NLRP12: variants seen among roughly 807,000 people sequenced by gnomAD.
NLRP12 encodes the protein NACHT, LRR and PYD domains-containing protein 12.
Under a neutral mutation model 91.2 loss-of-function variants are expected in NLRP12, and 108 were observed. The ratio of observed to expected loss-of-function variants is 1.18; its 90% CI spans 1.01 to 1.39. The LOEUF (loss-of-function observed/expected upper bound fraction) is 1.39, where lower values mean the gene tolerates loss of function less well. NLRP12 is among the 40% of genes most tolerant of loss of function. The pLI, the probability that NLRP12 is intolerant of heterozygous loss-of-function variation, is 0.00. For synonymous variants in NLRP12, 613 were observed against 566.7 expected (o/e 1.08, Z -1.16); for missense variants, 1,530 against 1,352.7 (o/e 1.13, Z -2.06).
Position 53,824,208 on chromosome 19 carries a change from G to A in NLRP12, c.-34C>T, listed in dbSNP as rs1437856123. On this transcript the variant is annotated 5_prime_UTR_variant, in exon 1 of 10. Transcript: ENST00000324134. Reference sequence around the variant, plus strand: ...CGTGAGCCCCAAAGGAGAGGACCTGGAGGCTGAGATGCTCCTATGCACGGG... The same window carrying A: ...CGTGAGCCCCAAAGGAGAGGACCTGAAGGCTGAGATGCTCCTATGCACGGG... 6.2e-7 allele frequency: 1 copy of A among 1,609,764 alleles called. No homozygotes were observed. Among genetic ancestry groups the A allele is most frequent in the Admixed American group, 1.7e-5 (1 of 59,982 alleles).
Position 53,811,065 on chromosome 19 carries a change from G to T in NLRP12, c.594C>A (p.Thr198=), listed in dbSNP as rs771450335. The change falls in exon 3 of 10, where the codon ACC becomes ACA. Residue 198 remains threonine (T), a synonymous_variant. Transcript: ENST00000324134. ...GGCGCTCCTCGTCTGGCTCAAAGAGGGTCTCTATCTTGATGGGGCTAGCCT... is the reference window on the plus strand; with the variant it reads ...GGCGCTCCTCGTCTGGCTCAAAGAGTGTCTCTATCTTGATGGGGCTAGCCT... ...GHQASPIKIE[T]LFEPDEERPE... The T allele has an allele frequency of 1.2e-6, 2 of 1,612,656 alleles. No individual in the cohort carries two copies. The highest frequency in any genetic ancestry group is 2.2e-5 in the South Asian group (2 of 91,068).
At chr19:53,804,459 C>T (rs1444215929) in intron 5 of NLRP12, among the ~76,000 whole-genome samples, 3 of 139,030 alleles carry the variant, frequency 2.2e-5, no homozygotes, top group Non-Finnish European at 3.0e-5. Context: ...AGTACAGTGG[C>T]GTGATCTTGC....
chr19:53,810,805 A>T lies in NLRP12; in HGVS notation c.854T>A (p.Val285Asp). The T allele has an allele frequency of 6.2e-7, 1 of 1,614,022 alleles. No homozygotes were observed. The highest frequency in any genetic ancestry group is 8.5e-7 in the Non-Finnish European group (1 of 1,180,022). The change falls in exon 3 of 10, where the codon GTT becomes GAT. Residue 285 changes from valine (V) to aspartate (D), a missense_variant. Physicochemically the swap from Val to Asp is radical, Grantham distance 152. Transcript: ENST00000324134. Reference sequence around the variant, plus strand: ...GATGATGAAAAGGAGGCGCTCGGGAACTCGGATGAGCTCCTGGAGAGGCGC... The same window carrying T: ...GATGATGAAAAGGAGGCGCTCGGGATCTCGGATGAGCTCCTGGAGAGGCGC... ...PSAPLQELIR[V>D]PERLLFIIDG...
At chr19:53,820,039 T>G (rs1309193035) in intron 1 of NLRP12, among the ~76,000 whole-genome samples, 3 of 152,122 alleles carry the variant, frequency 2.0e-5, no homozygotes, top group Non-Finnish European at 4.4e-5. Flanking sequence ...CATTAAGCTT[T>G]GCAGAAGTGA....
chr19:53,821,287 C>T (rs1599871392), intron 1 of NLRP12, among the ~76,000 whole-genome samples: 1 of 151,930 alleles, frequency 6.6e-6, no homozygotes. Context: ...ATCCATCCAC[C>T]TCAATCTCCC....
Position 53,810,580 on chromosome 19 carries a change from A to T in NLRP12, c.1079T>A (p.Val360Glu), listed in dbSNP as rs750571572. The change falls in exon 3 of 10, where the codon GTG (valine) becomes GAG (glutamate). Residue 360 changes from valine to glutamate, a missense_variant. Physicochemically the swap from Val to Glu is moderately radical, Grantham distance 121 (BLOSUM62 -2). Transcript: ENST00000324134. ...LHRLLEHPRH[V>E]EILGFSEAER... is the part of the protein sequence containing the mutation. Reference sequence around the variant, plus strand: ...TGCCTCAGAGAAGCCCAGGATCTCCACATGCCTGGGGTGCTCCAGCAGACG... The same window carrying T: ...TGCCTCAGAGAAGCCCAGGATCTCCTCATGCCTGGGGTGCTCCAGCAGACG... The T allele has an allele frequency of 6.2e-7, 1 of 1,613,938 alleles. No homozygotes were observed. The highest frequency in any genetic ancestry group is 1.3e-5 in the African/African-American group (1 of 74,960).
At chr19:53,817,906 C>T (rs1004400363) in intron 1 of NLRP12, among the ~76,000 whole-genome samples, 3 of 151,426 alleles carry the variant, frequency 2.0e-5, no homozygotes, top group Admixed American at 6.6e-5. Context: ...CCTCAGCCTC[C>T]GGAGTAGCTG....
chr19:53,795,978 G>C lies in NLRP12; in HGVS notation c.2979C>G (p.Thr993=). ...TAKACENLYF[T]LGINQTLTDL... ...CGGTCAAGGTCTGGTTGATCCCCAG[G>C]GTGAAGTAAAGATTCTCACAAGCCT... Residue 993 remains threonine (T), a synonymous_variant, in exon 9 of 10, where the codon ACC becomes ACG. Coordinates refer to ENST00000324134, the MANE Select transcript of NLRP12 (RefSeq NM_144687.4). 1 of 1,614,128 alleles carries C rather than the reference G, an allele frequency of 6.2e-7. No homozygotes were observed.
At chr19:53,816,889 A>T (rs1045874376) in intron 1 of NLRP12, among the ~76,000 whole-genome samples, 1 of 151,808 alleles carries the variant, frequency 6.6e-6, no homozygotes, top group South Asian at 2.1e-4. Context: ...AGGAAAGGGG[A>T]AAATAGGGAA....
At chr19:53,801,448 CTTTTTTTTT>C (rs11417138) in intron 6 of NLRP12, 51 bp from the exon 7 acceptor site, 11 of 1,277,782 alleles carry the variant, frequency 8.6e-6, no homozygotes, top group Non-Finnish European at 3.0e-6. Context: ...CTTTCTTTTT[CTTTTTTTTT>C]TTTTTTTTTT....
chr19:53,818,957 G>C (rs1393389646), intron 1 of NLRP12, among the ~76,000 whole-genome samples: 1 of 152,066 alleles, frequency 6.6e-6, no homozygotes, highest in Non-Finnish European at 1.5e-5. Context: ...GGGGCATATC[G>C]ATTCTCCAGC....
intron 6 of NLRP12, among the ~76,000 whole-genome samples, chr19:53,802,813 AC>A (rs1234785487): frequency 6.6e-6 from 1 of 152,078 alleles, no homozygotes; most frequent in East Asian, 1.9e-4. Context: ...TCACCCTGTC[AC>A]CCAGTCTGGG....
chr19:53,794,261 C>T (rs1298251261), intron 9 of NLRP12, 125 bp from the exon 10 acceptor site: 21 of 761,230 alleles, frequency 2.8e-5, no homozygotes, highest in Middle Eastern at 2.3e-4. Flanking sequence ...TTCCACCCAA[C>T]GCTGCTGGAA....
rs1242692444 is a variant in NLRP12 at position 53,813,302 on chromosome 19, T to TTTTC, written c.370+1605_370+1606insGAAA. ...TATTCTTTTTTTTTTTTCTTTTCTT[T>TTTTC]TTTTTTTTTTTTTTTTTTGAGACAG... On this transcript the variant is annotated intron_variant, in intron 2 of 9. Coordinates refer to ENST00000324134, the MANE Select transcript of NLRP12 (RefSeq NM_144687.4). 5.1e-4 allele frequency among the ~76,000 whole-genome samples: 53 copies of TTTTC among 104,782 alleles called. 1 individual carries two copies. Among genetic ancestry groups the TTTTC allele is most frequent in the South Asian group, 4.0e-4 (1 of 2,508 alleles). The allele number at this position is 104,782 out of a possible 152,430, so 68.7% of individuals were successfully genotyped here.
intron 6 of NLRP12, 97 bp from the exon 7 acceptor site, chr19:53,801,494 C>T: frequency 4.7e-6 from 7 of 1,481,148 alleles, no homozygotes; most frequent in Non-Finnish European, 6.3e-6. Context: ...CTCTGTTGCC[C>T]AGGCTGGAAT....
chr19:53,795,714 G>T (rs2091743895), intron 9 of NLRP12, 145 bp downstream of exon 9: 1 of 773,406 alleles, frequency 1.3e-6, no homozygotes, highest in Admixed American at 2.0e-5. Context: ...GCCAGTAGAT[G>T]ACATAGCTAA....
intron 2 of NLRP12, among the ~76,000 whole-genome samples, chr19:53,811,816 C>T (rs950984625): frequency 7.9e-5 from 12 of 152,112 alleles, no homozygotes; most frequent in African/African-American, 2.2e-4. Flanking sequence ...CTGCCCACCT[C>T]GGCCTTCCAA....
At chr19:53,803,400 G>A (rs1004744041) in intron 6 of NLRP12, among the ~76,000 whole-genome samples, 4 of 151,966 alleles carry the variant, frequency 2.6e-5, no homozygotes, top group Middle Eastern at 3.4e-3. Flanking sequence ...GGCTGGTCTC[G>A]AACTCCAGAC....
intron 1 of NLRP12, among the ~76,000 whole-genome samples, chr19:53,817,566 T>G (rs932152830): frequency 6.6e-6 from 1 of 150,622 alleles, no homozygotes; most frequent in South Asian, 2.1e-4. Flanking sequence ...AGAAACCCCA[T>G]CTCTACTAAA....
Sources: allele counts gnomAD v4.1 joint callset (sites outside exome capture counted in the v4.1 genomes callset), GRCh38; gene constraint gnomAD v4.1.1; transcripts MANE v1.5; gene names NCBI Gene and HGNC (gene_info 2026-07-23, HGNC 2026-07-21).